The following ECPAS variants were observed in gnomAD, a reference collection of about 807,000 sequenced individuals.
ECPAS encodes Ecm29 proteasome adaptor and scaffold.
ECPAS carries 70 observed loss-of-function variants against 255.1 expected under a neutral mutation model. That is an observed-to-expected ratio of 0.27 (90% CI 0.23 to 0.33). ECPAS has a LOEUF of 0.33. Among genes scored for constraint, ECPAS ranks in the 10% least tolerant of loss-of-function variants. The pLI is 1.00. For synonymous variants in ECPAS, 784 were observed against 775.0 expected (o/e 1.01, Z -0.19); for missense variants, 1,817 against 2,206.4 (o/e 0.82, Z 3.54).
intron 2 of ECPAS, among the ~76,000 whole-genome samples, chr9:111,472,633 C>T (rs1276186052): frequency 6.8e-6 from 1 of 147,636 alleles, no homozygotes; most frequent in Admixed American, 6.8e-5. Context: ...GAGTGAGACA[C>T]TGTCTCCAAA....
chr9:111,424,870 C>T (rs1184156819), intron 12 of ECPAS, among the ~76,000 whole-genome samples: 1 of 152,148 alleles, frequency 6.6e-6, no homozygotes. Flanking sequence ...TGAAAAAATG[C>T]TATTTAAAGA....
chr9:111,480,292 CTTTT>C (rs398011866), intron 1 of ECPAS, among the ~76,000 whole-genome samples: 4 of 63,634 alleles, frequency 6.3e-5, no homozygotes, highest in African/African-American at 1.9e-4. Flanking sequence ...AGCACCTTTT[CTTTT>C]TTTTTTTTTT....
At chr9:111,478,165 C>T (rs963391456) in intron 1 of ECPAS, among the ~76,000 whole-genome samples, 6 of 151,600 alleles carry the variant, frequency 4.0e-5, no homozygotes, top group Admixed American at 6.6e-5. Context: ...CCTCCCAAAG[C>T]GCTGGGATTA....
At chr9:111,460,309 G>A (rs953174058) in intron 2 of ECPAS, among the ~76,000 whole-genome samples, 1 of 152,138 alleles carries the variant, frequency 6.6e-6, no homozygotes, top group African/African-American at 2.4e-5. Flanking sequence ...TCATGTTGAA[G>A]AGACAAGGAA....
At chr9:111,409,960 T>G in intron 23 of ECPAS, 81 bp downstream of exon 23, 1 of 1,002,888 alleles carries the variant, frequency 1.0e-6, no homozygotes, top group South Asian at 1.7e-5. Context: ...ATGCCATCTA[T>G]TCTCATTATA....
chr9:111,412,999 CTGAG>C (rs1433867773), intron 20 of ECPAS, among the ~76,000 whole-genome samples: 3 of 152,110 alleles, frequency 2.0e-5, no homozygotes, highest in Admixed American at 2.0e-4. Flanking sequence ...TCAAATTTAA[CTGAG>C]TATCTTGTAT....
At chr9:111,440,097 C>T (rs550915779) in intron 6 of ECPAS, among the ~76,000 whole-genome samples, 1 of 152,096 alleles carries the variant, frequency 6.6e-6, no homozygotes, top group African/African-American at 2.4e-5. Context: ...TCCTAGCCCC[C>T]AGTAATCGTC....
intron 46 of ECPAS, among the ~76,000 whole-genome samples, chr9:111,367,066 C>T (rs928686540): frequency 1.3e-5 from 2 of 152,226 alleles, no homozygotes; most frequent in Admixed American, 1.3e-4. Context: ...TCACAAGCTT[C>T]TGCAAATTGC....
At chr9:111,368,034 C>CA (rs545860799) in intron 46 of ECPAS, among the ~76,000 whole-genome samples, 4,874 of 126,144 alleles carry the variant, frequency 0.039, 297 homozygotes, top group African/African-American at 0.13. Flanking sequence ...GACCCTGTCT[C>CA]AAAAAAAAAA....
At chr9:111,452,333 A>G (rs2098261387) in intron 2 of ECPAS, among the ~76,000 whole-genome samples, 1 of 152,214 alleles carries the variant, frequency 6.6e-6, no homozygotes, top group Admixed American at 6.5e-5. Flanking sequence ...AAAATGTTCT[A>G]TATTTCGATC....
At chr9:111,410,247 T>C (rs776026969) in intron 22 of ECPAS, 34 bp from the exon 23 acceptor site, 6 of 1,582,596 alleles carry the variant, frequency 3.8e-6, no homozygotes, top group East Asian at 2.3e-5. Flanking sequence ...GAGAATTACA[T>C]ACCATTATCC....
rs141543395 is a variant in ECPAS, at chr9:111,452,402, CCTT to C, written c.23-850_23-848del. Among the ~76,000 whole-genome samples, 1,459 of 152,210 alleles carry C rather than the reference CCTT, an allele frequency of 9.6e-3. 91 individuals carry two copies. The highest frequency in any genetic ancestry group is 0.066 in the Admixed American group (1,009 of 15,272). On this transcript the variant is annotated intron_variant, in intron 2 of 49. Coordinates refer to ENST00000684092, the MANE Select transcript of ECPAS (RefSeq NM_001364929.1). Reference sequence around the variant, plus strand: ...ATTCATCAAACTCTACACTTTCATACCTTCTACTGTATCTACTATACTTCAATT... The same window carrying C: ...ATTCATCAAACTCTACACTTTCATACCTACTGTATCTACTATACTTCAATT...
At chr9:111,483,771 T>TCTGCGGAGCCGCTGCCG (rs1257103676) in intron 1 of ECPAS, 4 of 172,758 alleles carry the variant, frequency 2.3e-5, no homozygotes, top group African/African-American at 9.8e-5. Flanking sequence ...GCCTCGCGCC[T>TCTGCGGAGCCGCTGCCG]CTGCGGAGCC....
Position 111,371,833 on chromosome 9 carries a change from G to A in ECPAS, c.4529-4C>T. On this transcript the variant is annotated splice_region_variant and splice_polypyrimidine_tract_variant and intron_variant, in intron 42 of 49. Transcript: ENST00000684092. ...AATCGAATGCCACCAAAGGATCCTA[G>A]GAAAGCAAAATTAAAACAACTTTTA... The A allele has an allele frequency of 6.3e-7, 1 of 1,596,658 alleles. No individual in the cohort carries two copies. The highest frequency in any genetic ancestry group is 8.5e-7 in the Non-Finnish European group (1 of 1,170,542).
intron 41 of ECPAS, 68 bp downstream of exon 41, chr9:111,373,101 AT>A: frequency 8.4e-7 from 1 of 1,196,740 alleles, no homozygotes; most frequent in Non-Finnish European, 1.2e-6. Context: ...GTAAGACCTA[AT>A]TTGTACTGTT....
intron 3 of ECPAS, among the ~76,000 whole-genome samples, chr9:111,447,725 T>TTAGTATAATAAATTATACTAATAATAA (rs2098255202): frequency 6.6e-6 from 1 of 151,936 alleles, no homozygotes; most frequent in Non-Finnish European, 1.5e-5. Context: ...AAAAATGCTA[T>TTAGTATAATAAATTATACTAATAATAA]TTTATTAGTA....
At chr9:111,462,897 C>G (rs1191108127) in intron 2 of ECPAS, among the ~76,000 whole-genome samples, 1 of 152,026 alleles carries the variant, frequency 6.6e-6, no homozygotes, top group Admixed American at 6.6e-5. Context: ...CATGCGCCAC[C>G]ACACCTGGCT....
intron 8 of ECPAS, 93 bp downstream of exon 8, chr9:111,433,140 T>C: frequency 1.5e-6 from 2 of 1,315,216 alleles, no homozygotes; most frequent in Non-Finnish European, 2.1e-6. Context: ...GTTGAATGCC[T>C]CATTACAAAA....
At chr9:111,465,013 G>A (rs181303798) in intron 2 of ECPAS, among the ~76,000 whole-genome samples, 52 of 151,740 alleles carry the variant, frequency 3.4e-4, no homozygotes, top group African/African-American at 8.9e-4. Flanking sequence ...GAGAAACCCC[G>A]TCTCTACTAA....
Sources: allele counts gnomAD v4.1 joint callset (sites outside exome capture counted in the v4.1 genomes callset), GRCh38; gene constraint gnomAD v4.1.1; transcripts MANE v1.5; gene names NCBI Gene and HGNC (gene_info 2026-07-23, HGNC 2026-07-21).